Variants in HYAL4 observed in about 807,000 individuals in gnomAD.
HYAL4 encodes hyaluronidase 4.
Under a neutral mutation model 35.2 loss-of-function variants are expected in HYAL4, and 37 were observed. That is an observed-to-expected ratio of 1.05 (90% CI 0.81 to 1.38). HYAL4 has a LOEUF of 1.38. HYAL4 is among the 40% of genes most tolerant of loss of function. HYAL4 has a pLI of 0.00. For missense variants in HYAL4, 572 were observed against 572.4 expected (o/e 1.00, Z 0.01); for synonymous variants, 198 against 203.2 (o/e 0.97, Z 0.22).
intron 2 of HYAL4, among the ~76,000 whole-genome samples, chr7:123,856,991 G>C (rs1039172969): frequency 6.6e-6 from 1 of 152,106 alleles, no homozygotes. Flanking sequence ...ACTTTGAGGG[G>C]AAAACCGCCT....
chr7:123,871,896 G>T (rs745675627), intron 3 of HYAL4, among the ~76,000 whole-genome samples: 4 of 152,198 alleles, frequency 2.6e-5, no homozygotes, highest in African/African-American at 4.8e-5. Flanking sequence ...TGGGGATATA[G>T]AGGCAGTCAA....
the HYAL4 span, among the ~76,000 whole-genome samples, chr7:123,779,658 TA>T: frequency 1.2e-4 from 19 of 152,052 alleles, no homozygotes; most frequent in South Asian, 2.1e-4. Context: ...ATTTTCAAAA[TA>T]AAAAAAATTT....
the HYAL4 span, among the ~76,000 whole-genome samples, chr7:123,791,059 C>T: frequency 1.3e-5 from 2 of 152,182 alleles, no homozygotes; most frequent in Non-Finnish European, 2.9e-5. Flanking sequence ...GCCACTGTGC[C>T]TGGCCTGAAT....
chr7:123,870,234 A>G (rs1250971509), intron 3 of HYAL4, among the ~76,000 whole-genome samples: 1 of 152,202 alleles, frequency 6.6e-6, no homozygotes, highest in Non-Finnish European at 1.5e-5. Context: ...CACCCAGGTG[A>G]GGGCTCTACA....
the HYAL4 span, among the ~76,000 whole-genome samples, chr7:123,818,917 C>T: frequency 6.6e-6 from 1 of 151,952 alleles, no homozygotes; most frequent in Non-Finnish European, 1.5e-5. Context: ...AATTCATGAC[C>T]TCACAGTTAT....
chr7:123,821,955 A>G, the HYAL4 span, among the ~76,000 whole-genome samples: 1 of 152,114 alleles, frequency 6.6e-6, no homozygotes, highest in Non-Finnish European at 1.5e-5. Context: ...AGTTGATCAT[A>G]TATGTGTAGG....
chr7:123,781,553 TC>T, the HYAL4 span, among the ~76,000 whole-genome samples: 3 of 151,450 alleles, frequency 2.0e-5, no homozygotes, highest in South Asian at 4.2e-4. Context: ...AAATCTCTCG[TC>T]CCACCTTACG....
intron 3 of HYAL4, 48 bp from the exon 4 acceptor site, chr7:123,874,713 A>G (rs1446089987): frequency 8.4e-7 from 1 of 1,184,086 alleles, no homozygotes; most frequent in Non-Finnish European, 1.3e-6. Context: ...CCCCTGGTGG[A>G]TTGTTTTACA....
At chr7:123,841,537 C>A (rs1806066145), upstream of HYAL4, among the ~76,000 whole-genome samples, 1 of 151,980 alleles carries the variant, frequency 6.6e-6, no homozygotes, top group African/African-American at 2.4e-5. Flanking sequence ...CCCTCTTTTT[C>A]TATTGTTTGG....
the HYAL4 span, among the ~76,000 whole-genome samples, chr7:123,778,995 T>C: frequency 6.6e-6 from 1 of 152,160 alleles, no homozygotes; most frequent in Non-Finnish European, 1.5e-5. Context: ...TGTAAAACAA[T>C]GCCACTCTTC....
chr7:123,791,354 A>C, the HYAL4 span, among the ~76,000 whole-genome samples: 2 of 152,222 alleles, frequency 1.3e-5, no homozygotes, highest in Non-Finnish European at 2.9e-5. Context: ...GTAATTCATC[A>C]TGTAAATAGA....
rs539548054 is a variant in HYAL4 at position 123,839,555 on chromosome 7, G to A, written c.-256-4690G>A. 5.9e-5 allele frequency among the ~76,000 whole-genome samples: 9 copies of A among 152,268 alleles called. No homozygotes were observed. The East Asian group carries it at 1.4e-3, about 23-fold the overall frequency. On this transcript the variant is annotated intron_variant, in intron 1 of 4. Transcript: ENST00000489978. ...TCTGGTTCTAGATCCTTGAGGAATCGCCACACTGTCTTCCACAATGGTTGA... is the reference window on the plus strand; with the variant it reads ...TCTGGTTCTAGATCCTTGAGGAATCACCACACTGTCTTCCACAATGGTTGA...
chr7:123,775,665 A>G, the HYAL4 span, among the ~76,000 whole-genome samples: 1 of 152,172 alleles, frequency 6.6e-6, no homozygotes, highest in Non-Finnish European at 1.5e-5. Context: ...TCTTCATTCT[A>G]ATCTCTGATT....
At chr7:123,853,006 T>C (rs1806346776) in intron 2 of HYAL4, among the ~76,000 whole-genome samples, 1 of 152,192 alleles carries the variant, frequency 6.6e-6, no homozygotes, top group Non-Finnish European at 1.5e-5. Flanking sequence ...CAATTGTGAA[T>C]AGGAGTTCAT....
upstream of HYAL4, among the ~76,000 whole-genome samples, chr7:123,844,841 G>A (rs1806143155): frequency 6.6e-6 from 1 of 152,176 alleles, no homozygotes; most frequent in Non-Finnish European, 1.5e-5. Flanking sequence ...ACCGAGCCAG[G>A]CACGGGAATC....
In HYAL4 at chr7:123,869,099, C is replaced by T. The variant is rs755669947; in HGVS notation, c.826C>T (p.Arg276Cys). The T allele has an allele frequency of 2.8e-5, 45 of 1,614,124 alleles. No individual in the cohort carries two copies. The highest frequency in any genetic ancestry group is 1.6e-4 in the Middle Eastern group (1 of 6,062). ...KSLGDSENIL[R>C]FSKFRVHESM... Reference sequence around the variant, plus strand: ...CCTTGGAGACAGTGAAAACATTTTGCGCTTCTCCAAATTTCGGGTGCATGA... The same window carrying T: ...CCTTGGAGACAGTGAAAACATTTTGTGCTTCTCCAAATTTCGGGTGCATGA... The change falls in exon 3 of 5, where the codon CGC becomes TGC. Residue 276 changes from arginine to cysteine, a missense_variant. Arg to Cys is a radical substitution (Grantham distance 180). Coordinates refer to ENST00000223026, the MANE Select transcript of HYAL4 (RefSeq NM_012269.3).
chr7:123,832,479 C>CTTTTTTTTTT lies in HYAL4; in HGVS notation c.-257+3384_-257+3393dup. ...AGTCCCCAAAGTCTATTGTGTCATA[C>CTTTTTTTTTT]TTTTTTTTTTTTTTTTTTTTTTTTT... On this transcript the variant is annotated intron_variant, in intron 1 of 4. Transcript: ENST00000489978. 1.8e-3 allele frequency among the ~76,000 whole-genome samples: 40 copies of CTTTTTTTTTT among 21,840 alleles called. 9 individuals carry two copies. Among genetic ancestry groups the CTTTTTTTTTT allele is most frequent in the African/African-American group, 3.1e-3 (11 of 3,598 alleles). 14.3% of individuals were successfully genotyped at this position (21,840 alleles called of 152,430 possible).
upstream of HYAL4, chr7:123,844,984 T>A (rs1482830963): frequency 6.6e-6 from 1 of 152,186 alleles, no homozygotes; most frequent in African/African-American, 2.4e-5. Context: ...ACTTCCTGGG[T>A]GAGGCGATGC....
intron 1 of HYAL4, among the ~76,000 whole-genome samples, chr7:123,830,519 C>T (rs979533197): frequency 3.2e-4 from 49 of 152,130 alleles, no homozygotes; most frequent in African/African-American, 1.1e-3. Context: ...TTTCTTACCT[C>T]GCATTATTGT....
Sources: allele counts gnomAD v4.1 joint callset (sites outside exome capture counted in the v4.1 genomes callset), GRCh38; gene constraint gnomAD v4.1.1; transcripts MANE v1.5; gene names NCBI Gene and HGNC (gene_info 2026-07-23, HGNC 2026-07-21).